PIGG: variants seen among roughly 807,000 people sequenced by gnomAD.
PIGG encodes GPI ethanolamine phosphate transferase 2, catalytic subunit.
Under a neutral mutation model 83.2 loss-of-function variants are expected in PIGG, and 70 were observed. The ratio of observed to expected loss-of-function variants is 0.84; its 90% CI spans 0.69 to 1.03. The LOEUF is 1.03. Ranked by LOEUF, PIGG falls within the 50% of genes least tolerant of loss-of-function variation. The pLI is 0.00. For missense variants in PIGG, 1,257 were observed against 1,233.6 expected (o/e 1.02, Z -0.28); for synonymous variants, 532 against 519.5 (o/e 1.02, Z -0.33).
rs1486428385 is a variant in PIGG, at chr4:533,816, A to G, written c.2572-2A>G. On this transcript the variant is annotated splice_acceptor_variant, in intron 11 of 12. Coordinates refer to ENST00000453061, the MANE Select transcript of PIGG (RefSeq NM_001127178.3). LOFTEE classifies it high-confidence loss of function. ...TTTGTCAGCTCTTCTCCTGTATTCC[A>G]GGGCAACTCCAACAACATTGCCACC... 3 of 1,613,982 alleles carry G rather than the reference A, an allele frequency of 1.9e-6. No individual in the cohort carries two copies. The highest frequency in any genetic ancestry group is 2.5e-6 in the Non-Finnish European group (3 of 1,179,840).
At chr4:507,227 G>A (rs1290141129) in intron 3 of PIGG, among the ~76,000 whole-genome samples, 178 bp from the exon 4 acceptor site, 6 of 152,196 alleles carry the variant, frequency 3.9e-5, no homozygotes, top group African/African-American at 1.2e-4. Context: ...GGCATGAGCT[G>A]CTGTGTCCAG....
At chr4:537,520 C>G (rs981382320) in intron 12 of PIGG, among the ~76,000 whole-genome samples, 13 of 152,188 alleles carry the variant, frequency 8.5e-5, no homozygotes, top group South Asian at 8.3e-4. Flanking sequence ...GTTGCTGTCA[C>G]CAGGAGGTGT....
intron 10 of PIGG, among the ~76,000 whole-genome samples, chr4:529,127 G>GGGA (rs895908963): frequency 6.6e-6 from 1 of 152,150 alleles, no homozygotes; most frequent in African/African-American, 2.4e-5. Flanking sequence ...GCCCGGCCAG[G>GGGA]GGAGGAGGAG....
In PIGG at chr4:506,609, T is replaced by C. The variant is rs1013233894; in HGVS notation, c.570+682T>C. ...AGTAATGACTGAGTTTTCCTGACTA[T>C]ATATGGCATCACTGAGAAACACTTC... is the stretch of plus-strand genomic sequence containing the variant. On this transcript the variant is annotated intron_variant, in intron 3 of 12. Transcript: ENST00000453061. Among the ~76,000 whole-genome samples the C allele has an allele frequency of 3.2e-4, 48 of 152,194 alleles. 1 individual carries two copies. Among genetic ancestry groups the C allele is most frequent in the Non-Finnish European group, 6.6e-4 (45 of 68,028 alleles).
At position 505,784 on chromosome 4, in the gene PIGG, C is replaced by A; in HGVS notation, c.427C>A (p.Leu143Met). The A allele has an allele frequency of 6.2e-7, 1 of 1,613,478 alleles. No homozygotes were observed. The highest frequency in any genetic ancestry group is 2.2e-5 in the East Asian group (1 of 44,862). ...CAGGAACCTCAATTCTCCTGCACTG[C>A]TGGAAGACAGTGTGATAAGACAAGC... ...VIRNLNSPALLEDSVIRQAKA... is the reference protein window; with the variant it reads ...VIRNLNSPALMEDSVIRQAKA... The change falls in exon 3 of 13, where the codon CTG (leucine) becomes ATG (methionine). Residue 143 changes from leucine to methionine, a missense_variant. Leu to Met is a conservative substitution (Grantham distance 15). Transcript: ENST00000453061.
At position 499,359 on chromosome 4, in the gene PIGG, C is replaced by G. The variant is rs140860254; in HGVS notation, c.24C>G (p.Phe8Leu). 710 of 1,609,382 alleles carry G rather than the reference C, an allele frequency of 4.4e-4. No individual in the cohort carries two copies. Among genetic ancestry groups the G allele is most frequent in the Non-Finnish European group, 4.6e-4 (544 of 1,179,910 alleles). ...CGATGCGGCTGGGCTCCGGGACTTT[C>G]GCTACCTGTTGCGTAGCGATCGAGG... MRLGSGT[F>L]ATCCVAIEVL... The change falls in exon 1 of 13, where the codon TTC (phenylalanine) becomes TTG (leucine). Residue 8 changes from phenylalanine to leucine, a missense_variant. Coordinates refer to ENST00000453061, the MANE Select transcript of PIGG (RefSeq NM_001127178.3).
intron 4 of PIGG, among the ~76,000 whole-genome samples, chr4:508,422 A>G (rs1363766519): frequency 2.6e-5 from 4 of 152,252 alleles, no homozygotes; most frequent in Non-Finnish European, 5.9e-5. Context: ...GTGCCCCCAC[A>G]TGGCTCAGAG....
intron 9 of PIGG, chr4:525,178 G>C: frequency 1.0e-6 from 1 of 985,160 alleles, no homozygotes; most frequent in Non-Finnish European, 1.2e-6. Context: ...AAGGGACAGA[G>C]CCGTGTGGGG....
In PIGG at chr4:507,508, C is replaced by G; in HGVS notation, c.674C>G (p.Ser225Ter). The part of the protein sequence containing the change: ...YLGLDHIGHI[S>*]GPNSPLIGQK... ...GGGCTGGACCACATTGGCCACATTT[C>G]AGGGCCCAACAGCCCCCTGATTGGG... The change falls in exon 4 of 13, where the codon TCA becomes TGA. Residue 225 changes from serine (S) to a stop codon, truncating the protein, a stop_gained. Coordinates refer to ENST00000453061, the MANE Select transcript of PIGG (RefSeq NM_001127178.3). LOFTEE classifies it high-confidence loss of function. 6.2e-7 allele frequency: 1 copy of G among 1,614,184 alleles called. No individual in the cohort carries two copies. The highest frequency in any genetic ancestry group is 8.5e-7 in the Non-Finnish European group (1 of 1,179,982).
Position 499,328 on chromosome 4 carries a change from T to A in PIGG, c.-8T>A. 1.2e-6 allele frequency: 2 copies of A among 1,606,248 alleles called. No homozygotes were observed. The highest frequency in any genetic ancestry group is 1.7e-6 in the Non-Finnish European group (2 of 1,179,712). On this transcript the variant is annotated 5_prime_UTR_variant, in exon 1 of 13. Coordinates refer to ENST00000453061, the MANE Select transcript of PIGG (RefSeq NM_001127178.3). The stretch of plus-strand genomic sequence containing the variant: ...GGTCGGTTCCGCATCCAGCCTAGCG[T>A]GTCCACGATGCGGCTGGGCTCCGGG...
intron 5 of PIGG, among the ~76,000 whole-genome samples, chr4:512,679 G>T (rs1257934863): frequency 6.6e-6 from 1 of 151,790 alleles, no homozygotes; most frequent in Non-Finnish European, 1.5e-5. Flanking sequence ...GCCAGATGTG[G>T]TGGTGGGCGC....
chr4:539,905 A>T lies in PIGG; in HGVS notation c.*536A>T, dbSNP rs979400258. The T allele has an allele frequency of 1.3e-5, 2 of 150,678 alleles. No individual in the cohort carries two copies. Among genetic ancestry groups the T allele is most frequent in the African/African-American group, 5.0e-5 (2 of 39,716 alleles). 9.3% of individuals were successfully genotyped at this position (150,678 alleles called of 1,614,324 possible). A position where few individuals can be genotyped will look rare whatever the true frequency, so the allele number is the denominator to read the frequency against. On this transcript the variant is annotated 3_prime_UTR_variant, in exon 13 of 13. Transcript: ENST00000453061. ...TATATTTTCCAAAACAAAAAAATTCAGTGAGACCCAGCACTTTGGGAGGCC... is the reference window on the plus strand; with the variant it reads ...TATATTTTCCAAAACAAAAAAATTCTGTGAGACCCAGCACTTTGGGAGGCC...
Position 523,461 on chromosome 4 carries a change from C to G in PIGG, c.1617C>G (p.Asn539Lys). The G allele has an allele frequency of 1.2e-6, 2 of 1,600,162 alleles. No homozygotes were observed. The change falls in exon 9 of 13, where the codon AAC becomes AAG. Residue 539 changes from asparagine to lysine, a missense_variant and splice_region_variant. Coordinates refer to ENST00000453061, the MANE Select transcript of PIGG (RefSeq NM_001127178.3). ...AAAGTGCACTTTCCTTTTCACAGAA[C>G]CCCATGCATCCCAGCTCAAGGTGGT... Reference protein sequence around the residue: ...VLVGGNTPRKNPMHPSSRWSE... With the variant: ...VLVGGNTPRKKPMHPSSRWSE...
chr4:530,101 C>T (rs1728649081), intron 10 of PIGG, among the ~76,000 whole-genome samples: 2 of 152,172 alleles, frequency 1.3e-5, no homozygotes. Flanking sequence ...TTTTAATTAA[C>T]TGCAAAGCAG....
intron 8 of PIGG, chr4:522,373 T>TCATG (rs539035118): frequency 6.7e-6 from 2 of 297,080 alleles, no homozygotes; most frequent in African/African-American, 4.2e-5. Flanking sequence ...GTCGCACCAC[T>TCATG]CATCCTGCCA....
chr4:526,758 G>T (rs988723679), intron 9 of PIGG, among the ~76,000 whole-genome samples: 1 of 150,658 alleles, frequency 6.6e-6, no homozygotes, highest in African/African-American at 2.5e-5. Flanking sequence ...ATGTGGCCCA[G>T]ACTGGTCTCA....
chr4:534,821 C>T (rs1730032488), intron 12 of PIGG, among the ~76,000 whole-genome samples: 2 of 152,094 alleles, frequency 1.3e-5, no homozygotes, highest in South Asian at 4.1e-4. Flanking sequence ...AGCCCCCCAT[C>T]CACACACCCG....
rs749452965 is a variant in PIGG at position 515,150 on chromosome 4, C to T, written c.902-823C>T. On this transcript the variant is annotated intron_variant, in intron 5 of 12. Coordinates refer to ENST00000453061, the MANE Select transcript of PIGG (RefSeq NM_001127178.3). This position sits in a 1 kb window ranked among gnomAD's most constrained non-coding sequence, Gnocchi z 4.2. The stretch of plus-strand genomic sequence containing the variant: ...CACCTGAGTATCTAAAGACACCTCA[C>T]GCACCACCTATCCTGAGTAGCCGTC... Among the ~76,000 whole-genome samples the T allele has an allele frequency of 2.0e-5, 3 of 152,276 alleles. No individual in the cohort carries two copies. The highest frequency in any genetic ancestry group is 4.4e-5 in the Non-Finnish European group (3 of 68,050).
chr4:530,959 G>A (rs1209408297), intron 11 of PIGG: 5 of 541,922 alleles, frequency 9.2e-6, no homozygotes, highest in Non-Finnish European at 1.6e-5. Context: ...TAAGACAGCA[G>A]ACTGCTGCTT....
Sources: allele counts gnomAD v4.1 joint callset (sites outside exome capture counted in the v4.1 genomes callset), GRCh38; gene constraint gnomAD v4.1.1; non-coding constraint Gnocchi (gnomAD v3.1); transcripts MANE v1.5; gene names NCBI Gene and HGNC (gene_info 2026-07-23, HGNC 2026-07-21).